The following STAU2 variants were observed in gnomAD, a reference collection of about 807,000 sequenced individuals.
The protein encoded by STAU2 is double-stranded RNA-binding protein Staufen homolog 2.
A neutral mutation model predicts 65.9 loss-of-function variants in STAU2; 20 were observed. The observed-to-expected ratio is 0.30, with a 90% CI of 0.21 to 0.44. STAU2 has a LOEUF of 0.44. STAU2 is among the 20% of genes least tolerant of loss of function. STAU2 has a pLI of 1.00. For missense variants in STAU2, 558 were observed against 683.9 expected (o/e 0.82, Z 2.05); for synonymous variants, 232 against 233.9 (o/e 0.99, Z 0.07).
chr8:73,683,793 G>C (rs1228345355), intron 5 of STAU2, among the ~76,000 whole-genome samples: 2 of 152,134 alleles, frequency 1.3e-5, no homozygotes, highest in African/African-American at 2.4e-5. Flanking sequence ...ACACAAGTCA[G>C]TAGCTCTGCT....
At chr8:73,615,965 G>A (rs1204286870) in intron 7 of STAU2, among the ~76,000 whole-genome samples, 183 bp from the exon 8 acceptor site, 1 of 152,168 alleles carries the variant, frequency 6.6e-6, no homozygotes, top group Non-Finnish European at 1.5e-5. Context: ...TTTGTTACTC[G>A]ATTTTTAGCT....
chr8:73,451,832 A>G (rs1818815398), intron 13 of STAU2, among the ~76,000 whole-genome samples: 1 of 152,230 alleles, frequency 6.6e-6, no homozygotes, highest in South Asian at 2.1e-4. Flanking sequence ...GATGCTAGGA[A>G]GTGCAGGTTC....
chr8:73,741,166 G>C (rs1253377004), intron 1 of STAU2, among the ~76,000 whole-genome samples: 5 of 148,930 alleles, frequency 3.4e-5, no homozygotes, highest in African/African-American at 1.2e-4. Flanking sequence ...TTAGCCGGGC[G>C]TGGTGGCGGG....
At chr8:73,515,121 T>C (rs1424384668) in intron 13 of STAU2, among the ~76,000 whole-genome samples, 2 of 152,138 alleles carry the variant, frequency 1.3e-5, no homozygotes, top group Non-Finnish European at 2.9e-5. Flanking sequence ...ATTAAAACTA[T>C]TTAATAGTGT....
At chr8:73,498,148 C>A (rs780653034) in intron 13 of STAU2, among the ~76,000 whole-genome samples, 5 of 151,846 alleles carry the variant, frequency 3.3e-5, no homozygotes, top group Non-Finnish European at 7.4e-5. Context: ...CCACATAATA[C>A]TACCTTATTT....
intron 13 of STAU2, among the ~76,000 whole-genome samples, chr8:73,499,978 CT>C (rs757704672): frequency 2.7e-4 from 41 of 151,742 alleles, no homozygotes; most frequent in Non-Finnish European, 5.0e-4. Flanking sequence ...GGCTCCATGC[CT>C]TTATTTTATT....
At chr8:73,460,459 G>A (rs755467079) in intron 13 of STAU2, among the ~76,000 whole-genome samples, 1 of 152,174 alleles carries the variant, frequency 6.6e-6, no homozygotes, top group Non-Finnish European at 1.5e-5. Flanking sequence ...CACATTTGAC[G>A]ACATCTAGCT....
intron 13 of STAU2, among the ~76,000 whole-genome samples, chr8:73,460,340 T>C (rs909112964): frequency 1.3e-5 from 2 of 152,204 alleles, no homozygotes; most frequent in Non-Finnish European, 2.9e-5. Context: ...GAGACATTAT[T>C]TGACAGACAG....
At position 73,481,567 on chromosome 8, in the gene STAU2, C is replaced by T. The variant is rs1177273011; in HGVS notation, c.1531-58865G>A. On this transcript the variant is annotated intron_variant, in intron 13 of 14. Coordinates refer to ENST00000524300, the MANE Select transcript of STAU2 (RefSeq NM_001164380.2). ...TGAACCAAACTAAAGCATTCTCTAG[C>T]GAGAACGGGCTTTCTGCAACCCCAC... is the stretch of plus-strand genomic sequence containing the variant. 5.3e-5 allele frequency among the ~76,000 whole-genome samples: 8 copies of T among 150,600 alleles called. No individual in the cohort carries two copies. In the South Asian group the frequency reaches 8.4e-4, roughly 16 times the overall value.
intron 13 of STAU2, among the ~76,000 whole-genome samples, chr8:73,434,546 G>A (rs1817556073): frequency 6.6e-6 from 1 of 151,932 alleles, no homozygotes; most frequent in South Asian, 2.1e-4. Flanking sequence ...CTGCAGACCA[G>A]CTGTGTGTCC....
chr8:73,592,371 A>G, intron 11 of STAU2, among the ~76,000 whole-genome samples: 1 of 152,256 alleles, frequency 6.6e-6, no homozygotes, highest in East Asian at 1.9e-4. Context: ...ACAATTTTAT[A>G]CTAGTAAATT....
chr8:73,733,537 T>C (rs935256576), intron 3 of STAU2, among the ~76,000 whole-genome samples: 3 of 152,206 alleles, frequency 2.0e-5, no homozygotes, highest in South Asian at 2.1e-4. Flanking sequence ...GAAACCAGTA[T>C]ACTCCCGTTG....
chr8:73,602,141 C>G (rs1811675741), intron 10 of STAU2, among the ~76,000 whole-genome samples: 2 of 151,966 alleles, frequency 1.3e-5, no homozygotes, highest in Non-Finnish European at 2.9e-5. Flanking sequence ...GAAAGGCAGG[C>G]AGCAAATATC....
rs1005263082 is a variant in STAU2, at chr8:73,703,695, T to C, written c.114+5337A>G. On this transcript the variant is annotated intron_variant, in intron 4 of 14. Transcript: ENST00000524300. ...TCAAAATAACTATGCTAAGTGAAAA[T>C]AGTCTGGTAGGAGTACATACCACTA... Among the ~76,000 whole-genome samples, 4 of 152,152 alleles carry C rather than the reference T, an allele frequency of 2.6e-5. No homozygotes were observed. In the South Asian group the frequency reaches 6.2e-4, roughly 24 times the overall value.
chr8:73,587,738 T>C (rs1810478263), intron 11 of STAU2, among the ~76,000 whole-genome samples: 1 of 152,212 alleles, frequency 6.6e-6, no homozygotes, highest in East Asian at 1.9e-4. Context: ...TAGCACAAAC[T>C]ACCCATAGTG....
intron 1 of STAU2, among the ~76,000 whole-genome samples, chr8:73,746,371 T>C (rs905526106): frequency 6.7e-6 from 1 of 150,352 alleles, no homozygotes; most frequent in Non-Finnish European, 1.5e-5. Context: ...CTCGCCGTCC[T>C]CTCTTCCGGC....
intron 13 of STAU2, among the ~76,000 whole-genome samples, chr8:73,475,639 G>T (rs751754613): frequency 6.6e-6 from 1 of 152,034 alleles, no homozygotes; most frequent in Non-Finnish European, 1.5e-5. Flanking sequence ...AGTCAACAAA[G>T]GATTTTCTTA....
At chr8:73,422,224 C>A (rs150215255) in intron 14 of STAU2, among the ~76,000 whole-genome samples, 1 of 152,204 alleles carries the variant, frequency 6.6e-6, no homozygotes, top group African/African-American at 2.4e-5. Context: ...CTTTTCTCTC[C>A]GCTTTGCCCA....
At chr8:73,527,617 A>G (rs1342421662) in intron 13 of STAU2, 2 of 1,134,292 alleles carry the variant, frequency 1.8e-6, no homozygotes, top group Non-Finnish European at 2.5e-6. Context: ...ATGTGCGCAC[A>G]TAGCTTCCAT....
Sources: gnomAD v4.1 joint callset for allele counts (sites outside exome capture counted in the v4.1 genomes callset) on GRCh38, gnomAD v4.1.1 for gene constraint, MANE v1.5 for transcripts, NCBI Gene and HGNC (gene_info 2026-07-23, HGNC 2026-07-21) for gene names.